CLASP1: variants seen among roughly 807,000 people sequenced by gnomAD.
The protein encoded by CLASP1 is CLIP-associating protein 1.
CLASP1 carries 38 observed loss-of-function variants against 192.3 expected under a neutral mutation model. The observed-to-expected ratio is 0.20, with a 90% CI of 0.15 to 0.26. CLASP1 has a LOEUF of 0.26. CLASP1 is among the 10% of genes least tolerant of loss of function. The pLI, the probability that CLASP1 is intolerant of heterozygous loss-of-function variation, is 1.00. For missense variants in CLASP1, 1,433 were observed against 1,932.5 expected (o/e 0.74, Z 4.85); for synonymous variants, 691 against 712.8 (o/e 0.97, Z 0.49).
intron 35 of CLASP1, among the ~76,000 whole-genome samples, chr2:121,367,310 TC>T (rs2067605833): frequency 6.6e-6 from 1 of 152,212 alleles, no homozygotes; most frequent in Admixed American, 6.5e-5. Flanking sequence ...GAGTTGGCCT[TC>T]CCTCATGCTC....
intron 2 of CLASP1, among the ~76,000 whole-genome samples, chr2:121,549,725 G>C (rs62151101): frequency 1.9e-5 from 2 of 105,996 alleles, no homozygotes; most frequent in Non-Finnish European, 3.5e-5. Flanking sequence ...AAAAAAAAAG[G>C]CCTGGCGTGG....
In CLASP1 at chr2:121,552,375, A is replaced by C. The variant is rs1043073987; in HGVS notation, c.196-22050T>G. 3.9e-5 allele frequency among the ~76,000 whole-genome samples: 6 copies of C among 152,376 alleles called. No homozygotes were observed. The South Asian group carries it at 1.2e-3, about 32-fold the overall frequency. ...TTAAACTTAAGAGCTTCTGCACAGC[A>C]AAAGAAATTATCAACAGAGTAAATA... On this transcript the variant is annotated intron_variant, in intron 2 of 39. Transcript: ENST00000263710.
At chr2:121,366,048 G>A (rs1324573146) in intron 35 of CLASP1, among the ~76,000 whole-genome samples, 1 of 152,202 alleles carries the variant, frequency 6.6e-6, no homozygotes, top group African/African-American at 2.4e-5. Flanking sequence ...ATGTGTATTT[G>A]CATACTTCTT....
At chr2:121,447,552 T>A (rs767785503) in intron 18 of CLASP1, 45 bp from the exon 19 acceptor site, 90 of 1,438,404 alleles carry the variant, frequency 6.3e-5, no homozygotes, top group Non-Finnish European at 5.3e-5. Flanking sequence ...TACATAGAAT[T>A]TTGAAAATAC....
intron 1 of CLASP1, among the ~76,000 whole-genome samples, chr2:121,620,297 T>C (rs554782612): frequency 4.6e-5 from 7 of 152,214 alleles, no homozygotes; most frequent in Middle Eastern, 6.8e-3. Context: ...AAATTATCTA[T>C]AATCAAAGTG....
rs139475741 is a variant in CLASP1, at chr2:121,498,678, G to A, written c.712+4489C>T. ...ATAAATCACATCTGGTAAGAGTCTGGTATGTAGCACATCTAAAGACCTCTT... is the reference window on the plus strand; with the variant it reads ...ATAAATCACATCTGGTAAGAGTCTGATATGTAGCACATCTAAAGACCTCTT... On this transcript the variant is annotated intron_variant, in intron 8 of 39. Transcript: ENST00000263710. Among the ~76,000 whole-genome samples, 111 of 152,244 alleles carry A rather than the reference G, an allele frequency of 7.3e-4. 1 individual carries two copies. The highest frequency in any genetic ancestry group is 2.5e-3 in the African/African-American group (102 of 41,546).
intron 2 of CLASP1, chr2:121,530,839 T>G: frequency 1.5e-6 from 1 of 666,210 alleles, no homozygotes; most frequent in Non-Finnish European, 2.8e-6. Flanking sequence ...CCCTACCAGG[T>G]ATTGGCGCTT....
chr2:121,365,264 G>C (rs746270074), exon 36 of CLASP1: 48 of 1,613,096 alleles, frequency 3.0e-5, no homozygotes, highest in Non-Finnish European at 3.9e-5. Context: ...TCAGCCACCA[G>C]GTCAGAATGG....
chr2:121,488,789 C>T (rs1441270527), intron 8 of CLASP1, among the ~76,000 whole-genome samples: 1 of 152,208 alleles, frequency 6.6e-6, no homozygotes, highest in Non-Finnish European at 1.5e-5. Context: ...ATGATTCAGA[C>T]ATACCACTTC....
chr2:121,530,763 G>C (rs924146171), intron 2 of CLASP1: 6 of 546,616 alleles, frequency 1.1e-5, no homozygotes, highest in African/African-American at 9.4e-5. Context: ...GTCGAAAGCT[G>C]TGGAGGCTGG....
At chr2:121,458,525 T>C (rs976267763) in intron 13 of CLASP1, among the ~76,000 whole-genome samples, 1 of 152,138 alleles carries the variant, frequency 6.6e-6, no homozygotes, top group African/African-American at 2.4e-5. Flanking sequence ...CTAAGAGTAA[T>C]ATCCGAGTAA....
At chr2:121,383,974 G>T (rs1434618228) in intron 32 of CLASP1, among the ~76,000 whole-genome samples, 3 of 145,276 alleles carry the variant, frequency 2.1e-5, no homozygotes, top group South Asian at 2.2e-4. Context: ...AAAAAAAAAT[G>T]ACTTCCTCAC....
In CLASP1 at chr2:121,440,370, T is replaced by C. The variant is rs575272587; in HGVS notation, c.1912+6967A>G. On this transcript the variant is annotated intron_variant, in intron 19 of 39. Transcript: ENST00000263710. ...CATGTTTTTAAAAGATGATATAAAA[T>C]GCTCTGTGGTAATTAGGGGAAAAAA... is the stretch of plus-strand genomic sequence containing the variant. 9.8e-5 allele frequency among the ~76,000 whole-genome samples: 15 copies of C among 152,354 alleles called. No individual in the cohort carries two copies. The South Asian group carries it at 3.1e-3, about 32-fold the overall frequency.
rs7589004 is a variant in CLASP1 at position 121,397,117 on chromosome 2, C to T, written c.3123+23G>A. The T allele has an allele frequency of 2.0e-4, 321 of 1,611,564 alleles. No homozygotes were observed. The African/African-American group carries it at 3.7e-3, about 18-fold the overall frequency. Reference sequence around the variant, plus strand: ...CAAGCCCAGGAACAATCTGTAATTACACGTCGGTTCTCTTGGACATACCTT... The same window carrying T: ...CAAGCCCAGGAACAATCTGTAATTATACGTCGGTTCTCTTGGACATACCTT... On this transcript the variant is annotated intron_variant, in intron 30 of 39. Transcript: ENST00000263710.
chr2:121,397,348 A>G (rs572402944), intron 29 of CLASP1, 65 bp from the exon 31 acceptor site: 913 of 1,442,016 alleles, frequency 6.3e-4, no homozygotes, highest in Non-Finnish European at 8.3e-4. Context: ...AATTCTTATC[A>G]GGTGGCCAGA....
At chr2:121,349,542 T>C (rs1253373112) in intron 37 of CLASP1, among the ~76,000 whole-genome samples, 1 of 152,206 alleles carries the variant, frequency 6.6e-6, no homozygotes, top group Non-Finnish European at 1.5e-5. Flanking sequence ...CAAAGAAGCC[T>C]GGAGGAAATC....
At chr2:121,431,524 A>G (rs2081395441) in intron 19 of CLASP1, among the ~76,000 whole-genome samples, 1 of 130,138 alleles carries the variant, frequency 7.7e-6, no homozygotes, top group Non-Finnish European at 1.5e-5. Flanking sequence ...CACTGAGCTA[A>G]ATCAAGGCAA....
chr2:121,509,069 G>A (rs1309583563), intron 7 of CLASP1, among the ~76,000 whole-genome samples: 2 of 152,152 alleles, frequency 1.3e-5, no homozygotes, highest in East Asian at 3.9e-4. Flanking sequence ...ATTCCTTAAT[G>A]GATTTTAAAA....
chr2:121,496,113 T>A (rs895061575), intron 8 of CLASP1, among the ~76,000 whole-genome samples: 2 of 152,216 alleles, frequency 1.3e-5, no homozygotes, highest in African/African-American at 4.8e-5. Context: ...CACAGGGGCA[T>A]GTGGGCACCC....
Sources: allele counts gnomAD v4.1 joint callset (sites outside exome capture counted in the v4.1 genomes callset), GRCh38; gene constraint gnomAD v4.1.1; transcripts MANE v1.5; gene names NCBI Gene and HGNC (gene_info 2026-07-23, HGNC 2026-07-21).